Variants in TANC1 observed in about 807,000 individuals in gnomAD.
TANC1 encodes the protein tetratricopeptide repeat, ankyrin repeat and coiled-coil containing 1.
TANC1 carries 77 observed loss-of-function variants against 149.7 expected under a neutral mutation model. The ratio of observed to expected loss-of-function variants is 0.51; its 90% CI spans 0.43 to 0.62. The LOEUF is 0.62. Among genes scored for constraint, TANC1 ranks in the 20% least tolerant of loss-of-function variants. The pLI, the probability that TANC1 is intolerant of heterozygous loss-of-function variation, is 0.00. For synonymous variants in TANC1, 854 were observed against 925.0 expected (o/e 0.92, Z 1.39); for missense variants, 1,985 against 2,321.8 (o/e 0.85, Z 2.98).
intron 22 of TANC1, among the ~76,000 whole-genome samples, chr2:159,220,217 G>C (rs952059102): frequency 2.6e-5 from 4 of 151,376 alleles, no homozygotes; most frequent in African/African-American, 9.7e-5. Flanking sequence ...CTTTTGCATA[G>C]ATCATTTAGA....
intron 19 of TANC1, among the ~76,000 whole-genome samples, chr2:159,207,216 A>G (rs956407064): frequency 1.3e-5 from 2 of 152,258 alleles, no homozygotes; most frequent in East Asian, 1.9e-4. Flanking sequence ...GTGGAATGCC[A>G]TGTGGCCAGA....
In TANC1 at chr2:158,978,065, G is replaced by C. The variant is rs549112342; in HGVS notation, c.-126+9283G>C. Among the ~76,000 whole-genome samples, 4 of 152,194 alleles carry C rather than the reference G, an allele frequency of 2.6e-5. No homozygotes were observed. In the East Asian group the frequency reaches 7.7e-4, roughly 29 times the overall value. On this transcript the variant is annotated intron_variant, in intron 1 of 26. Coordinates refer to ENST00000263635, the MANE Select transcript of TANC1 (RefSeq NM_033394.3). ...TACATTCATTATAATGTCTTTCTCT[G>C]TTTGCTTTTTATTATTAAGTTGTTC...
Position 159,172,221 on chromosome 2 carries a change from T to C in TANC1, c.1452T>C (p.Ser484=), listed in dbSNP as rs1309013534. The C allele has an allele frequency of 2.5e-6, 4 of 1,614,078 alleles. No homozygotes were observed. In the African/African-American group the frequency reaches 5.3e-5, roughly 22 times the overall value. Residue 484 remains serine, a synonymous_variant, in exon 11 of 27, where the codon AGT becomes AGC. Transcript: ENST00000263635. ...STAKTPLGSI[S]AENQRPREDA... is the part of the protein sequence containing the mutation. ...CTAAAACACCTCTTGGGTCTATCAG[T>C]GCTGAAAACCAGAGACCAAGAGAGG...
chr2:159,037,187 T>C (rs909975250), intron 2 of TANC1, among the ~76,000 whole-genome samples: 1 of 152,178 alleles, frequency 6.6e-6, no homozygotes, highest in Admixed American at 6.5e-5. Flanking sequence ...TCATTTCCTT[T>C]GCCCACTTTT....
chr2:159,163,141 A>G, intron 7 of TANC1, 142 bp from the exon 8 acceptor site: 2 of 818,158 alleles, frequency 2.4e-6, no homozygotes, highest in Non-Finnish European at 3.8e-6. Flanking sequence ...ACCAAAATAC[A>G]TTGTATGGAA....
intron 3 of TANC1, among the ~76,000 whole-genome samples, chr2:159,070,243 A>G (rs571136401): frequency 6.6e-6 from 1 of 151,992 alleles, no homozygotes; most frequent in Admixed American, 6.6e-5. Flanking sequence ...CCCTAATGAA[A>G]TCCCCAATTT....
chr2:159,111,483 G>T (rs2047712635), intron 4 of TANC1, among the ~76,000 whole-genome samples: 1 of 152,210 alleles, frequency 6.6e-6, no homozygotes, highest in Non-Finnish European at 1.5e-5. Flanking sequence ...CTGCAGACAT[G>T]CTGTCTCTTG....
chr2:159,206,528 C>T (rs1403526179), intron 19 of TANC1, among the ~76,000 whole-genome samples: 1 of 152,204 alleles, frequency 6.6e-6, no homozygotes, highest in Non-Finnish European at 1.5e-5. Flanking sequence ...AACAAATTAG[C>T]CCCTTGACCA....
At chr2:159,228,088 C>A in intron 25 of TANC1, 123 bp downstream of exon 25, 1 of 1,067,278 alleles carries the variant, frequency 9.4e-7, no homozygotes, top group Non-Finnish European at 1.4e-6. Context: ...TGCACATTTA[C>A]ATGAACCTGG....
intron 4 of TANC1, among the ~76,000 whole-genome samples, chr2:159,123,700 A>C (rs1476055075): frequency 6.6e-6 from 1 of 152,258 alleles, no homozygotes; most frequent in Non-Finnish European, 1.5e-5. Flanking sequence ...GCAGAAATAA[A>C]CTTTTTCTTA....
chr2:159,134,054 A>G (rs1163487231), intron 4 of TANC1, among the ~76,000 whole-genome samples: 1 of 152,204 alleles, frequency 6.6e-6, no homozygotes, highest in African/African-American at 2.4e-5. Flanking sequence ...TTGAGACAGA[A>G]GGATGGTCTA....
At chr2:159,185,222 A>G (rs950193330) in intron 14 of TANC1, among the ~76,000 whole-genome samples, 24 of 152,338 alleles carry the variant, frequency 1.6e-4, no homozygotes, top group Non-Finnish European at 2.8e-4. Context: ...AGTGAGTCCT[A>G]TGGACATGGA....
chr2:159,060,383 G>T (rs541134410), intron 2 of TANC1, among the ~76,000 whole-genome samples: 549 of 152,284 alleles, frequency 3.6e-3, no homozygotes, highest in Middle Eastern at 6.8e-3. Flanking sequence ...GGTATTTGGG[G>T]TAACTGGACT....
At chr2:159,171,652 A>T (rs185673372) in intron 10 of TANC1, among the ~76,000 whole-genome samples, 45 of 152,106 alleles carry the variant, frequency 3.0e-4, no homozygotes, top group African/African-American at 1.1e-3. Context: ...AGGTCAGGAG[A>T]TTGAGACCAG....
In TANC1 at chr2:159,170,539, A is replaced by G. The variant is rs1399159055; in HGVS notation, c.1085A>G (p.Tyr362Cys). 1 of 1,610,186 alleles carries G rather than the reference A, an allele frequency of 6.2e-7. No homozygotes were observed. Residue 362 changes from tyrosine to cysteine, a missense_variant, in exon 10 of 27, where the codon TAC becomes TGC. Tyr to Cys is a radical substitution (Grantham distance 194). Around this residue, in one of 3 missense-constraint regions of TANC1, gnomAD observed 557 missense variants for 612.9 expected, o/e 0.91. Transcript: ENST00000263635. ...AQEVKARFAPYKPQDILLKPL... is the reference protein window; with the variant it reads ...AQEVKARFAPCKPQDILLKPL... ...TCTTTTGAAGCACGATTTGCTCCCT[A>G]CAAGCCACAAGACATTTTGTTGAAA...
intron 4 of TANC1, among the ~76,000 whole-genome samples, chr2:159,106,166 A>T (rs1025450677): frequency 2.0e-4 from 31 of 152,198 alleles, no homozygotes; most frequent in African/African-American, 6.5e-4. Flanking sequence ...TAAAGTTTAC[A>T]GTTCGATGTT....
chr2:159,060,085 T>TTA (rs2042134142), intron 2 of TANC1: 1 of 973,570 alleles, frequency 1.0e-6, no homozygotes, highest in African/African-American at 1.8e-5. Context: ...TCTAAAGGTG[T>TTA]TATACAGAAG....
At chr2:158,974,986 A>G (rs557345568) in intron 1 of TANC1, among the ~76,000 whole-genome samples, 39 of 140,622 alleles carry the variant, frequency 2.8e-4, no homozygotes, top group African/African-American at 1.0e-3. Context: ...TCTTGGTTCA[A>G]GTGATCCTCC....
chr2:159,224,664 A>G (rs904681741), intron 23 of TANC1: 5 of 321,882 alleles, frequency 1.6e-5, no homozygotes, highest in Non-Finnish European at 3.0e-5. Flanking sequence ...GGGGCCGGGT[A>G]GTGCTGCTGA....
Sources: allele counts gnomAD v4.1 joint callset (sites outside exome capture counted in the v4.1 genomes callset), GRCh38; gene constraint gnomAD v4.1.1; regional missense constraint gnomAD v4.1.1; transcripts MANE v1.5; gene names NCBI Gene and HGNC (gene_info 2026-07-23, HGNC 2026-07-21).